The following COL14A1 variants were observed in gnomAD, a reference collection of about 807,000 sequenced individuals.
COL14A1 encodes collagen type XIV alpha 1 chain.
Under a neutral mutation model 230.3 loss-of-function variants are expected in COL14A1, and 136 were observed. The observed-to-expected ratio is 0.59, with a 90% CI of 0.51 to 0.68. COL14A1 has a LOEUF of 0.68. COL14A1 is among the 30% of genes least tolerant of loss of function. The probability of loss-of-function intolerance (pLI) is 0.00; values close to 1 mark genes in which losing one functional copy is unlikely to be tolerated. For synonymous variants in COL14A1, 792 were observed against 784.1 expected, an observed-to-expected ratio of 1.01 and a Z score of -0.17; for missense variants, 1,976 against 2,215.8, an observed-to-expected ratio of 0.89 and a Z score of 2.17.
intron 12 of COL14A1, 114 bp downstream of exon 12, chr8:120,210,015 GAAAAA>G: frequency 1.2e-6 from 1 of 837,106 alleles, no homozygotes; most frequent in South Asian, 4.6e-5. Flanking sequence ...TTAGCCAAAA[GAAAAA>G]AAAACACTTA....
chr8:120,310,100 C>CA, intron 37 of COL14A1, 38 bp downstream of exon 37: 1 of 1,585,402 alleles, frequency 6.3e-7, no homozygotes, highest in Non-Finnish European at 8.6e-7. Flanking sequence ...TGTCTCATCT[C>CA]TCTCTCTCTC....
At chr8:120,290,838 G>C (rs1255507174) in intron 34 of COL14A1, among the ~76,000 whole-genome samples, 1 of 152,194 alleles carries the variant, frequency 6.6e-6, no homozygotes, top group Admixed American at 6.5e-5. Context: ...GTGAATGGTA[G>C]CAATGTGTCC....
rs200361422 is a variant in COL14A1 at position 120,197,818 on chromosome 8, A to C, written c.600A>C (p.Ala200=). Residue 200 remains alanine, a synonymous_variant, in exon 7 of 48, where the codon GCA becomes GCC. Transcript: ENST00000297848. ...CCTAATCTTTTTTTCCAGGTCTTGC[A>C]CAGTATAGTGGTGACCCCAGAATAG... The part of the protein sequence containing the change: ...VGSEKTRIGL[A]QYSGDPRIEW... 1 of 1,611,812 alleles carries C rather than the reference A, an allele frequency of 6.2e-7. No homozygotes were observed.
intron 4 of COL14A1, among the ~76,000 whole-genome samples, chr8:120,164,010 A>G (rs901378300): frequency 6.6e-6 from 1 of 152,206 alleles, no homozygotes; most frequent in Admixed American, 6.5e-5. Flanking sequence ...AATGTGAAGG[A>G]TAAAAATTTT....
At chr8:120,129,864 T>G (rs1041994069) in intron 1 of COL14A1, among the ~76,000 whole-genome samples, 3 of 152,200 alleles carry the variant, frequency 2.0e-5, no homozygotes, top group Non-Finnish European at 4.4e-5. Context: ...CAATCAATAT[T>G]TACTGATTGC....
At chr8:120,166,430 T>G (rs1044816634) in intron 4 of COL14A1, among the ~76,000 whole-genome samples, 7 of 152,182 alleles carry the variant, frequency 4.6e-5, no homozygotes, top group African/African-American at 1.4e-4. Context: ...TTTAAATGTG[T>G]CTTGTCAATC....
At chr8:120,250,794 CG>C (rs767945453) in intron 22 of COL14A1, 28 bp downstream of exon 22, 1 of 1,612,028 alleles carries the variant, frequency 6.2e-7, no homozygotes, top group Non-Finnish European at 8.5e-7. Flanking sequence ...TGGCCTCAGC[CG>C]CATATGGGTT....
chr8:120,234,242 A>G (rs1257559165), intron 19 of COL14A1, among the ~76,000 whole-genome samples: 1 of 152,204 alleles, frequency 6.6e-6, no homozygotes, highest in East Asian at 1.9e-4. Context: ...TAAATATGCA[A>G]TCATGTCATC....
chr8:120,209,409 G>A (rs1266582061), intron 11 of COL14A1, among the ~76,000 whole-genome samples: 1 of 151,970 alleles, frequency 6.6e-6, no homozygotes, highest in African/African-American at 2.4e-5. Context: ...TGTAGTAGGG[G>A]GTGGGGACGC....
At chr8:120,250,487 A>G in intron 21 of COL14A1, 130 bp from the exon 22 acceptor site, 1 of 970,820 alleles carries the variant, frequency 1.0e-6, no homozygotes. Context: ...TTCAAACCTC[A>G]ACCCTGCTGT....
chr8:120,328,015 C>T (rs1011118958), intron 40 of COL14A1, among the ~76,000 whole-genome samples: 9 of 152,128 alleles, frequency 5.9e-5, no homozygotes, highest in South Asian at 4.1e-4. Context: ...CTGCCCGCCT[C>T]GGCCTCCCAA....
At chr8:120,232,203 A>G (rs934873407) in intron 19 of COL14A1, 3 of 151,948 alleles carry the variant, frequency 2.0e-5, no homozygotes, top group African/African-American at 7.3e-5. Context: ...TTATACATTG[A>G]GTTTTCTTTG....
intron 5 of COL14A1, among the ~76,000 whole-genome samples, chr8:120,195,176 G>A (rs1056736793): frequency 6.6e-6 from 1 of 152,106 alleles, no homozygotes; most frequent in African/African-American, 2.4e-5. Context: ...GATCCTTTAA[G>A]CAAAATGTGG....
intron 9 of COL14A1, among the ~76,000 whole-genome samples, chr8:120,206,510 C>T (rs1277025108): frequency 5.3e-5 from 8 of 152,104 alleles, no homozygotes; most frequent in South Asian, 2.1e-4. Context: ...CTACCATGCA[C>T]GCTAATTTTT....
At chr8:120,266,726 C>T in intron 24 of COL14A1, 101 bp from the exon 25 acceptor site, 1 of 972,702 alleles carries the variant, frequency 1.0e-6, no homozygotes, top group South Asian at 1.5e-5. Flanking sequence ...AGACAGTTGT[C>T]AAAATCATTG....
intron 13 of COL14A1, among the ~76,000 whole-genome samples, chr8:120,214,481 A>G (rs1207904132): frequency 6.6e-6 from 1 of 152,210 alleles, no homozygotes; most frequent in Non-Finnish European, 1.5e-5. Flanking sequence ...GTTGAATTAG[A>G]TAGGGGTCCT....
chr8:120,154,365 G>A (rs1413888012), intron 2 of COL14A1, among the ~76,000 whole-genome samples: 1 of 152,158 alleles, frequency 6.6e-6, no homozygotes, highest in Non-Finnish European at 1.5e-5. Flanking sequence ...GAGCCTCTAT[G>A]GGAATGATTG....
chr8:120,167,391 G>A (rs1306264641), intron 4 of COL14A1, among the ~76,000 whole-genome samples: 1 of 152,176 alleles, frequency 6.6e-6, no homozygotes, highest in Non-Finnish European at 1.5e-5. Flanking sequence ...GCTCACTTCT[G>A]CATTTTCACA....
chr8:120,309,005 G>A (rs927051045), intron 36 of COL14A1, among the ~76,000 whole-genome samples: 8 of 152,172 alleles, frequency 5.3e-5, no homozygotes, highest in Admixed American at 3.3e-4. Flanking sequence ...AGTGATCTCA[G>A]CTCACTGCAA....
Sources: gnomAD v4.1 joint callset for allele counts (sites outside exome capture counted in the v4.1 genomes callset) on GRCh38, gnomAD v4.1.1 for gene constraint, MANE v1.5 for transcripts, NCBI Gene and HGNC (gene_info 2026-07-23, HGNC 2026-07-21) for gene names.